Variants in RALA observed in about 807,000 individuals in gnomAD.
The protein encoded by RALA is ras-related protein Ral-A.
RALA carries 5 observed loss-of-function variants against 24.0 expected under a neutral mutation model. That is an observed-to-expected ratio of 0.21 (90% CI 0.11 to 0.44). The LOEUF (loss-of-function observed/expected upper bound fraction) is 0.44, where lower values mean the gene tolerates loss of function less well. Among genes scored for constraint, RALA ranks in the 20% least tolerant of loss-of-function variants. The pLI is 0.99. For missense variants in RALA, 95 were observed against 241.2 expected, an observed-to-expected ratio of 0.39 and a Z score of 4.01; for synonymous variants, 77 against 83.8, an observed-to-expected ratio of 0.92 and a Z score of 0.44.
intron 1 of RALA, among the ~76,000 whole-genome samples, chr7:39,650,812 G>T (rs1288111299): frequency 1.3e-5 from 2 of 152,226 alleles, no homozygotes; most frequent in African/African-American, 2.4e-5. Context: ...TGCAATCAAA[G>T]TGTCAGCCAG....
chr7:39,693,988 G>A (rs147120633), intron 3 of RALA, among the ~76,000 whole-genome samples: 6 of 152,268 alleles, frequency 3.9e-5, no homozygotes, highest in Admixed American at 1.3e-4. Context: ...TTGCTACATC[G>A]TGAGTAATCA....
chr7:39,658,378 A>G (rs937979968), intron 1 of RALA, among the ~76,000 whole-genome samples: 1 of 152,210 alleles, frequency 6.6e-6, no homozygotes, highest in Non-Finnish European at 1.5e-5. Context: ...CTTAGTGAAG[A>G]GCACTGGTGC....
At chr7:39,666,342 T>G (rs1020803886) in intron 1 of RALA, among the ~76,000 whole-genome samples, 1 of 152,204 alleles carries the variant, frequency 6.6e-6, no homozygotes, top group African/African-American at 2.4e-5. Flanking sequence ...GGAGCTCAAG[T>G]TCCACCTGTG....
In RALA at chr7:39,680,735, A is replaced by G. The variant is rs184857153; in HGVS notation, c.-37-5896A>G. ...TTATTTTTTTCCAGTTGGCTTGACA[A>G]TTGTCCAAACACTACCTGTTGAATT... On this transcript the variant is annotated intron_variant, in intron 1 of 4. Coordinates refer to ENST00000005257, the MANE Select transcript of RALA (RefSeq NM_005402.4). Among the ~76,000 whole-genome samples the G allele has an allele frequency of 1.4e-3, 212 of 152,150 alleles. 1 individual carries two copies. Among genetic ancestry groups the G allele is most frequent in the African/African-American group, 4.8e-3 (201 of 41,518 alleles).
At chr7:39,674,161 C>T (rs1190238820) in intron 1 of RALA, among the ~76,000 whole-genome samples, 2 of 152,096 alleles carry the variant, frequency 1.3e-5, no homozygotes, top group African/African-American at 2.4e-5. Context: ...CTCACTGTAA[C>T]CTCAAACTCC....
chr7:39,638,657 G>A (rs192363231), intron 1 of RALA, among the ~76,000 whole-genome samples: 58 of 152,090 alleles, frequency 3.8e-4, no homozygotes, highest in African/African-American at 1.2e-3. Context: ...GTGTTGTCCA[G>A]GATGGTCTGA....
At chr7:39,631,869 A>G (rs554796875) in intron 1 of RALA, among the ~76,000 whole-genome samples, 19 of 152,286 alleles carry the variant, frequency 1.2e-4, no homozygotes, top group African/African-American at 4.6e-4. Flanking sequence ...TAAAGGAAAG[A>G]GATTTGTTTG....
intron 1 of RALA, among the ~76,000 whole-genome samples, chr7:39,652,276 AATAC>A (rs756275115): frequency 2.1e-4 from 32 of 152,370 alleles, no homozygotes; most frequent in Non-Finnish European, 4.0e-4. Context: ...CCCACATCTT[AATAC>A]TGTGGCAATG....
intron 1 of RALA, among the ~76,000 whole-genome samples, chr7:39,673,087 C>G (rs1279169813): frequency 6.6e-6 from 1 of 152,054 alleles, no homozygotes; most frequent in East Asian, 1.9e-4. Context: ...ACTCAGGAGG[C>G]TGAGGTGGGA....
At position 39,704,745 on chromosome 7, in the gene RALA, G is replaced by A. The variant is rs112532434; in HGVS notation, c.499-1378G>A. The stretch of plus-strand genomic sequence containing the variant: ...GGCTGGAGTGCAGTGGCACAATCTC[G>A]GCTCAGTGCAACCTCCACCTCCTGG... On this transcript the variant is annotated intron_variant, in intron 4 of 4. Coordinates refer to ENST00000005257, the MANE Select transcript of RALA (RefSeq NM_005402.4). 1.6e-3 allele frequency among the ~76,000 whole-genome samples: 239 copies of A among 151,518 alleles called. 2 individuals carry two copies. The highest frequency in any genetic ancestry group is 6.8e-3 in the Middle Eastern group (2 of 294).
intron 1 of RALA, among the ~76,000 whole-genome samples, chr7:39,662,244 C>G (rs961588102): frequency 1.3e-5 from 2 of 152,104 alleles, no homozygotes; most frequent in Non-Finnish European, 2.9e-5. Flanking sequence ...AGACATTTTC[C>G]CCATTGTCTT....
intron 1 of RALA, among the ~76,000 whole-genome samples, chr7:39,632,708 C>T (rs988714160): frequency 2.0e-5 from 3 of 152,138 alleles, no homozygotes; most frequent in African/African-American, 7.2e-5. Context: ...GTCCCAGCTA[C>T]TAGGGAGCTG....
chr7:39,655,731 TCCCTACAG>T (rs1176157770), intron 1 of RALA, among the ~76,000 whole-genome samples: 1 of 152,178 alleles, frequency 6.6e-6, no homozygotes, highest in Admixed American at 6.5e-5. Context: ...GTCATGCCAG[TCCCTACAG>T]AGTCTGTTAA....
chr7:39,656,558 C>G (rs1792100499), intron 1 of RALA, among the ~76,000 whole-genome samples: 1 of 152,188 alleles, frequency 6.6e-6, no homozygotes, highest in South Asian at 2.1e-4. Context: ...TCTATTGTAA[C>G]AAGTTTCTTT....
chr7:39,643,471 A>C (rs116867878), intron 1 of RALA, among the ~76,000 whole-genome samples: 6,144 of 152,350 alleles, frequency 0.04, 163 homozygotes, highest in Middle Eastern at 0.12. Flanking sequence ...CTCTAACCCC[A>C]GCACTTTGAG....
At chr7:39,676,667 T>A (rs1792491928) in intron 1 of RALA, among the ~76,000 whole-genome samples, 1 of 152,206 alleles carries the variant, frequency 6.6e-6, no homozygotes, top group South Asian at 2.1e-4. Flanking sequence ...AAGATAATAA[T>A]GAATTCTGGA....
chr7:39,691,141 A>G (rs1268302067), intron 3 of RALA, among the ~76,000 whole-genome samples: 1 of 152,158 alleles, frequency 6.6e-6, no homozygotes, highest in Non-Finnish European at 1.5e-5. Context: ...TTAGATTGTT[A>G]TATAATATTT....
At chr7:39,662,579 A>G (rs1014590950) in intron 1 of RALA, among the ~76,000 whole-genome samples, 3 of 152,172 alleles carry the variant, frequency 2.0e-5, no homozygotes, top group Admixed American at 6.5e-5. Flanking sequence ...TTGCTAAAAC[A>G]TAGCAAGAGT....
chr7:39,637,112 G>C (rs192120644), intron 1 of RALA, among the ~76,000 whole-genome samples: 5 of 152,298 alleles, frequency 3.3e-5, no homozygotes, highest in Admixed American at 3.3e-4. Context: ...ATGTTTAAGA[G>C]TAATGAAGGG....
Sources: gnomAD v4.1 joint callset for allele counts (sites outside exome capture counted in the v4.1 genomes callset) on GRCh38, gnomAD v4.1.1 for gene constraint, MANE v1.5 for transcripts, NCBI Gene and HGNC (gene_info 2026-07-23, HGNC 2026-07-21) for gene names.